ECD: variants seen among roughly 807,000 people sequenced by gnomAD.
ECD encodes the protein protein ecdysoneless homolog.
ECD carries 59 observed loss-of-function variants against 77.2 expected under a neutral mutation model. The observed-to-expected ratio is 0.76, with a 90% CI of 0.62 to 0.95. The LOEUF is 0.95. Among genes scored for constraint, ECD ranks in the 40% least tolerant of loss-of-function variants. The pLI is 0.00. For missense variants in ECD, 704 were observed against 763.4 expected (o/e 0.92, Z 0.92); for synonymous variants, 233 against 267.4 (o/e 0.87, Z 1.26).
chr10:73,160,297 A>AT, intron 3 of ECD, 137 bp downstream of exon 3: 1 of 493,994 alleles, frequency 2.0e-6, no homozygotes, highest in Non-Finnish European at 3.3e-6. Flanking sequence ...AAAAAAAAAA[A>AT]AGAGCACAGA....
chr10:73,134,451 C>G lies in ECD; in HGVS notation c.*132G>C, dbSNP rs1213422095. 1 of 866,026 alleles carries G rather than the reference C, an allele frequency of 1.2e-6. No individual in the cohort carries two copies. The highest frequency in any genetic ancestry group is 1.7e-5 in the African/African-American group (1 of 58,540). 53.6% of individuals were successfully genotyped at this position (866,026 alleles called of 1,614,324 possible). A position where few individuals can be genotyped will look rare whatever the true frequency, so the allele number is the denominator to read the frequency against. ...TGTGCCAAGAGGGCCACATTTGGGG[C>G]TCATGGAGAAGTCAATCTGTAAAAC... On this transcript the variant is annotated 3_prime_UTR_variant, in exon 14 of 14. Coordinates refer to ENST00000372979, the MANE Select transcript of ECD (RefSeq NM_007265.3).
intron 4 of ECD, 42 bp downstream of exon 4, chr10:73,156,526 T>C (rs751288701): frequency 6.2e-7 from 1 of 1,612,478 alleles, no homozygotes; most frequent in South Asian, 1.1e-5. Flanking sequence ...TAATGCAGCA[T>C]GATTTCATCT....
At chr10:73,136,625 G>T in intron 13 of ECD, 79 bp downstream of exon 13, 1 of 1,341,206 alleles carries the variant, frequency 7.5e-7, no homozygotes, top group Admixed American at 2.2e-5. Context: ...ACCAAAAAAA[G>T]AAAAACTATG....
chr10:73,154,375 T>C lies in ECD; in HGVS notation c.664A>G (p.Lys222Glu). ...FLPAGIVAVLKQRPRLVAAAV... is the reference protein window; with the variant it reads ...FLPAGIVAVLEQRPRLVAAAV... ...GCAGCCACCAATCTGGGGCGCTGCT[T>C]TAGCACTGCCACAATGCCAGCTGGA... is the stretch of plus-strand genomic sequence containing the variant. The change falls in exon 6 of 14, where the codon AAG becomes GAG. Residue 222 changes from lysine (K) to glutamate (E), a missense_variant. Physicochemically the swap from Lys to Glu is moderately conservative, Grantham distance 56. Coordinates refer to ENST00000372979, the MANE Select transcript of ECD (RefSeq NM_007265.3). The C allele has an allele frequency of 6.2e-7, 1 of 1,614,136 alleles. No individual in the cohort carries two copies. Among genetic ancestry groups the C allele is most frequent in the South Asian group, 1.1e-5 (1 of 91,074 alleles).
intron 3 of ECD, among the ~76,000 whole-genome samples, chr10:73,158,810 G>A (rs1240324087): frequency 6.6e-6 from 1 of 152,052 alleles, no homozygotes; most frequent in Non-Finnish European, 1.5e-5. Flanking sequence ...GACTGAGGCA[G>A]GAGGATGGCT....
In ECD at chr10:73,154,351, C is replaced by T. The variant is rs1222988988; in HGVS notation, c.688G>A (p.Ala230Thr). The change falls in exon 6 of 14, where the codon GCA becomes ACA. Residue 230 changes from alanine to threonine, a missense_variant. Transcript: ENST00000372979. ...VLKQRPRLVA[A>T]AVQAFYLRDP... ...CGTAGGTAAAATGCCTGGACTGCTG[C>T]AGCCACCAATCTGGGGCGCTGCTTT... 3 of 1,614,016 alleles carry T rather than the reference C, an allele frequency of 1.9e-6. No homozygotes were observed. The highest frequency in any genetic ancestry group is 8.5e-7 in the Non-Finnish European group (1 of 1,180,040).
chr10:73,138,113 C>A, intron 11 of ECD, 43 bp from the exon 12 acceptor site: 1 of 1,442,562 alleles, frequency 6.9e-7, no homozygotes, highest in Non-Finnish European at 9.2e-7. Flanking sequence ...ATTCTAAATA[C>A]AACTCTTTGA....
chr10:73,139,196 A>G, intron 11 of ECD, 113 bp downstream of exon 11: 1 of 1,041,706 alleles, frequency 9.6e-7, no homozygotes, highest in South Asian at 1.8e-5. Context: ...AAAGAAAGCA[A>G]GCAGTACAAC....
At chr10:73,138,535 T>C (rs1017141240) in intron 11 of ECD, among the ~76,000 whole-genome samples, 7 of 152,194 alleles carry the variant, frequency 4.6e-5, no homozygotes, top group Admixed American at 4.6e-4. Flanking sequence ...ACACTAATAA[T>C]GATATATTTG....
Position 73,148,392 on chromosome 10 carries a change from C to T in ECD, c.925G>A (p.Glu309Lys). Residue 309 changes from glutamate to lysine, a missense_variant, in exon 8 of 14, where the codon GAG becomes AAG. Physicochemically the swap from Glu to Lys is moderately conservative, Grantham distance 56 (BLOSUM62 1). Around this residue, in one of 3 missense-constraint regions of ECD, gnomAD observed 559 missense variants for 583.7 expected, o/e 0.96. Transcript: ENST00000372979. ...GGGCTACATTTGGAGCATAAGATCTCAAATCCATGAGCCTAGATGAGATAG... is the reference window on the plus strand; with the variant it reads ...GGGCTACATTTGGAGCATAAGATCTTAAATCCATGAGCCTAGATGAGATAG... ...ELGMKLAHGF[E>K]ILCSKCSPHF... The T allele has an allele frequency of 1.9e-6, 3 of 1,613,732 alleles. No homozygotes were observed. Among genetic ancestry groups the T allele is most frequent in the South Asian group, 2.2e-5 (2 of 91,024 alleles).
At chr10:73,139,880 T>C (rs575415899) in intron 9 of ECD, 143 bp from the exon 10 acceptor site, 190 of 587,086 alleles carry the variant, frequency 3.2e-4, no homozygotes, top group Middle Eastern at 9.2e-4. Context: ...GAGATGGGGT[T>C]TCATTGTTGC....
intron 5 of ECD, among the ~76,000 whole-genome samples, chr10:73,155,979 G>A (rs1208268419): frequency 6.6e-6 from 1 of 152,054 alleles, no homozygotes; most frequent in Non-Finnish European, 1.5e-5. Context: ...AATATCTAAG[G>A]TAAATAAATG....
intron 5 of ECD, 65 bp from the exon 6 acceptor site, chr10:73,154,513 T>G: frequency 7.1e-7 from 1 of 1,409,068 alleles, no homozygotes; most frequent in South Asian, 1.5e-5. Flanking sequence ...CTTATACCAT[T>G]CACATTCTTT....
intron 1 of ECD, among the ~76,000 whole-genome samples, chr10:73,165,359 C>CT (rs570064629): frequency 4.8e-4 from 71 of 147,324 alleles, no homozygotes; most frequent in Middle Eastern, 3.5e-3. Context: ...TTTTTCTTTT[C>CT]TTTTTTTTTT....
intron 1 of ECD, among the ~76,000 whole-genome samples, chr10:73,165,364 T>G (rs1388217824): frequency 1.3e-5 from 2 of 152,040 alleles, no homozygotes; most frequent in Non-Finnish European, 2.9e-5. Context: ...CTTTTCTTTT[T>G]TTTTTGAGAT....
intron 1 of ECD, among the ~76,000 whole-genome samples, chr10:73,165,402 A>T (rs1230088318): frequency 1.3e-5 from 2 of 149,764 alleles, no homozygotes; most frequent in Non-Finnish European, 3.0e-5. Context: ...CCCAGGCTGG[A>T]GTGCAGTGGA....
At chr10:73,142,562 A>G (rs1843072541) in intron 9 of ECD, among the ~76,000 whole-genome samples, 1 of 136,688 alleles carries the variant, frequency 7.3e-6, no homozygotes, top group Admixed American at 8.6e-5. Context: ...TGAACCCGGG[A>G]GGTGGAGGCT....
chr10:73,166,778 T>C (rs7078531), intron 1 of ECD, among the ~76,000 whole-genome samples: 7,308 of 152,270 alleles, frequency 0.048, 554 homozygotes, highest in African/African-American at 0.16. Flanking sequence ...TCCACTTTGT[T>C]GATTGTTTCC....
chr10:73,155,807 T>C (rs994924995), intron 5 of ECD, among the ~76,000 whole-genome samples: 1 of 152,062 alleles, frequency 6.6e-6, no homozygotes, highest in African/African-American at 2.4e-5. Context: ...TTTCACTATG[T>C]TGGCCAGGCT....
Sources: gnomAD v4.1 joint callset for allele counts (sites outside exome capture counted in the v4.1 genomes callset) on GRCh38, gnomAD v4.1.1 for gene constraint, gnomAD v4.1.1 regional missense constraint, MANE v1.5 for transcripts, NCBI Gene and HGNC (gene_info 2026-07-23, HGNC 2026-07-21) for gene names.